ZNF423: variants seen among roughly 807,000 people sequenced by gnomAD.
The protein encoded by ZNF423 is Ebf-associated zinc finger protein.
Under a neutral mutation model 95.8 loss-of-function variants are expected in ZNF423, and 12 were observed. The ratio of observed to expected loss-of-function variants is 0.13; its 90% CI spans 0.08 to 0.20. ZNF423 has a LOEUF of 0.20. ZNF423 is among the 10% of genes least tolerant of loss of function. ZNF423 has a pLI of 1.00. For synonymous variants in ZNF423, 749 were observed against 711.9 expected, an observed-to-expected ratio of 1.05 and a Z score of -0.83; for missense variants, 1,316 against 1,737.1, an observed-to-expected ratio of 0.76 and a Z score of 4.31.
In ZNF423 at chr16:49,700,812, G is replaced by C. The variant is rs143388471; in HGVS notation, c.301+29959C>G. Among the ~76,000 whole-genome samples, 56 of 152,248 alleles carry C rather than the reference G, an allele frequency of 3.7e-4. 1 individual carries two copies. The highest frequency in any genetic ancestry group is 5.1e-4 in the Non-Finnish European group (35 of 68,010). The stretch of plus-strand genomic sequence containing the variant: ...ACGGGACCACAGATGGTTGAACACC[G>C]TCTGGGAGTCTCACCAAGGGGGGAA... On this transcript the variant is annotated intron_variant, in intron 3 of 7. Coordinates refer to ENST00000563137, the MANE Select transcript of ZNF423 (RefSeq NM_001379286.1).
chr16:49,808,481 C>T (rs984226099), intron 1 of ZNF423, among the ~76,000 whole-genome samples: 2 of 152,148 alleles, frequency 1.3e-5, no homozygotes, highest in Non-Finnish European at 2.9e-5. Context: ...CACCTGAATC[C>T]CACAAGCCTC....
At chr16:49,677,629 T>G (rs2031170690) in intron 3 of ZNF423, among the ~76,000 whole-genome samples, 1 of 151,346 alleles carries the variant, frequency 6.6e-6, no homozygotes, top group Non-Finnish European at 1.5e-5. Context: ...TATAAAATTT[T>G]TTTAAAAGTA....
chr16:49,836,629 G>A (rs774513599), intron 1 of ZNF423, among the ~76,000 whole-genome samples: 1 of 152,096 alleles, frequency 6.6e-6, no homozygotes, highest in Non-Finnish European at 1.5e-5. Flanking sequence ...CGAACATAAT[G>A]GTACCAACCT....
chr16:49,675,879 ATG>A (rs2151930419), intron 3 of ZNF423, among the ~76,000 whole-genome samples: 1 of 152,044 alleles, frequency 6.6e-6, no homozygotes, highest in South Asian at 2.1e-4. Context: ...GTGCATGCAC[ATG>A]TGTGTGTTCT....
chr16:49,510,835 G>A (rs1008990203), intron 7 of ZNF423, among the ~76,000 whole-genome samples: 1 of 152,224 alleles, frequency 6.6e-6, no homozygotes, highest in Admixed American at 6.5e-5. Context: ...CAGCGCCGGG[G>A]AGGGGTTCGG....
chr16:49,786,252 C>T lies in ZNF423; in HGVS notation c.100+3235G>A, dbSNP rs116624010. Among the ~76,000 whole-genome samples the T allele has an allele frequency of 5.8e-3, 876 of 152,326 alleles. 9 individuals are homozygous for T. The highest frequency in any genetic ancestry group is 0.02 in the African/African-American group (848 of 41,580). On this transcript the variant is annotated intron_variant, in intron 2 of 7. Coordinates refer to ENST00000563137, the MANE Select transcript of ZNF423 (RefSeq NM_001379286.1). ...CTGTCAGGGCCCCCGCTCGAGGGCA[C>T]GGAAGGAGCAAGCCTGGTTGTTTCT...
At chr16:49,815,880 AAATATAT>A (rs1384413297) in intron 1 of ZNF423, among the ~76,000 whole-genome samples, 2 of 63,852 alleles carry the variant, frequency 3.1e-5, no homozygotes, top group Non-Finnish European at 5.5e-5. Context: ...CAAAAAAAAA[AAATATAT>A]ATATATATAT....
chr16:49,607,746 T>C (rs1971584184), intron 5 of ZNF423, among the ~76,000 whole-genome samples: 1 of 152,258 alleles, frequency 6.6e-6, no homozygotes, highest in African/African-American at 2.4e-5. Flanking sequence ...CATGTTTTTA[T>C]TTGCCTCGAA....
intron 3 of ZNF423, among the ~76,000 whole-genome samples, chr16:49,691,681 G>A (rs185128207): frequency 2.2e-3 from 340 of 151,852 alleles, no homozygotes; most frequent in African/African-American, 7.7e-3. Flanking sequence ...GCAGTGAGCC[G>A]AGATCGCACC....
chr16:49,643,934 ACTTGGTGACCAG>A (rs1261480420), intron 3 of ZNF423, among the ~76,000 whole-genome samples: 1 of 152,228 alleles, frequency 6.6e-6, no homozygotes, highest in Admixed American at 6.5e-5. Flanking sequence ...ATGTGGTCAC[ACTTGGTGACCAG>A]CATGGAGCAG....
At chr16:49,495,865 G>A (rs1298833570) in intron 7 of ZNF423, among the ~76,000 whole-genome samples, 1 of 152,184 alleles carries the variant, frequency 6.6e-6, no homozygotes, top group East Asian at 1.9e-4. Context: ...CAAGATCTTG[G>A]CTCCATTCTC....
intron 3 of ZNF423, among the ~76,000 whole-genome samples, chr16:49,653,312 A>AAC (rs63516163): frequency 6.1e-5 from 1 of 16,452 alleles, no homozygotes; most frequent in East Asian, 3.8e-3. Flanking sequence ...AAGAACCACC[A>AAC]AAAAAAAAAA....
intron 7 of ZNF423, among the ~76,000 whole-genome samples, chr16:49,495,503 C>T (rs1252804241): frequency 5.9e-5 from 9 of 152,198 alleles, no homozygotes; most frequent in Non-Finnish European, 1.3e-4. Context: ...GAAAGAAGCC[C>T]AGCATTCATT....
At chr16:49,776,049 A>G (rs532293128) in intron 2 of ZNF423, among the ~76,000 whole-genome samples, 52 of 152,324 alleles carry the variant, frequency 3.4e-4, no homozygotes, top group Non-Finnish European at 5.7e-4. Context: ...CTGAACACAG[A>G]GGCTTGGGCC....
chr16:49,576,185 T>C (rs1459889771), intron 5 of ZNF423, among the ~76,000 whole-genome samples: 1 of 152,236 alleles, frequency 6.6e-6, no homozygotes, highest in East Asian at 1.9e-4. Flanking sequence ...CCTCATCATA[T>C]TTCCTGCTGC....
In ZNF423 at chr16:49,638,999, T is replaced by C; in HGVS notation, c.302-125A>G. ...CAGCTGGCCAACGGCTGCAGGGGGC[T>C]GTGGGGAGGGGCAGGGGCCGGAAGC... On this transcript the variant is annotated intron_variant, in intron 3 of 7. Coordinates refer to ENST00000563137, the MANE Select transcript of ZNF423 (RefSeq NM_001379286.1). The surrounding 1 kb of genome is among the most constrained non-coding windows in gnomAD (Gnocchi z 5.6). 1 of 1,442,368 alleles carries C rather than the reference T, an allele frequency of 6.9e-7. No individual in the cohort carries two copies. 89.3% of individuals were successfully genotyped at this position (1,442,368 alleles called of 1,614,324 possible).
At chr16:49,575,370 A>G (rs372025357) in intron 5 of ZNF423, among the ~76,000 whole-genome samples, 1 of 152,134 alleles carries the variant, frequency 6.6e-6, no homozygotes, top group Non-Finnish European at 1.5e-5. Context: ...TCCACTAAAC[A>G]AGCCCAACGC....
At chr16:49,801,214 C>T (rs1002638620) in intron 1 of ZNF423, among the ~76,000 whole-genome samples, 1 of 152,194 alleles carries the variant, frequency 6.6e-6, no homozygotes, top group Non-Finnish European at 1.5e-5. Flanking sequence ...GCTGGTCCCA[C>T]GTGGGTGAGG....
chr16:49,534,449 C>T (rs2151726835), intron 5 of ZNF423, among the ~76,000 whole-genome samples: 2 of 152,274 alleles, frequency 1.3e-5, no homozygotes, highest in East Asian at 3.9e-4. Context: ...GATGGGGTTT[C>T]ACCATGTTGG....
Sources: gnomAD v4.1 joint callset for allele counts (sites outside exome capture counted in the v4.1 genomes callset) on GRCh38, gnomAD v4.1.1 for gene constraint, Gnocchi (gnomAD v3.1) non-coding constraint, MANE v1.5 for transcripts, NCBI Gene and HGNC (gene_info 2026-07-23, HGNC 2026-07-21) for gene names.